IRF8: variants seen among roughly 807,000 people sequenced by gnomAD.
The protein encoded by IRF8 is interferon regulatory factor 8.
In IRF8, 14 loss-of-function variants were observed where a neutral mutation model predicts 48.7. The ratio of observed to expected loss-of-function variants is 0.29; its 90% CI spans 0.19 to 0.45. IRF8 has a LOEUF of 0.45. Ranked by LOEUF, IRF8 falls within the 20% of genes least tolerant of loss-of-function variation. The pLI is 1.00. For synonymous variants in IRF8, 278 were observed against 227.3 expected (o/e 1.22, Z -2.01); for missense variants, 493 against 580.7 (o/e 0.85, Z 1.55).
chr16:85,911,769 C>T (rs1006525011), intron 4 of IRF8, 111 bp downstream of exon 4: 58 of 870,186 alleles, frequency 6.7e-5, no homozygotes, highest in Non-Finnish European at 9.8e-5. Context: ...CCCTCGGGCT[C>T]GCTGAGGAAG....
intron 2 of IRF8, among the ~76,000 whole-genome samples, chr16:85,905,462 C>T (rs150176537): frequency 8.2e-4 from 125 of 152,302 alleles, no homozygotes; most frequent in Middle Eastern, 3.4e-3. Flanking sequence ...CCAATGTTTC[C>T]GTTGGTTACG....
At chr16:85,914,438 G>A (rs777671262) in intron 5 of IRF8, 35 bp from the exon 6 acceptor site, 26 of 1,613,920 alleles carry the variant, frequency 1.6e-5, no homozygotes. Context: ...CCACACCTGG[G>A]TGGCTCTGAG....
chr16:85,902,776 G>GTGCTGCTGGT (rs1555610237), intron 1 of IRF8: 1 of 354,176 alleles, frequency 2.8e-6, no homozygotes, highest in African/African-American at 6.6e-5. Context: ...GGCCTGCAGG[G>GTGCTGCTGGT]GGCTGCTGGT....
intron 6 of IRF8, among the ~76,000 whole-genome samples, chr16:85,918,048 C>A (rs1180918567): frequency 3.9e-5 from 6 of 152,186 alleles, no homozygotes; most frequent in African/African-American, 1.4e-4. Context: ...CTTGGCAGTG[C>A]CTATGAGACG....
At chr16:85,913,800 C>A (rs925796415) in intron 5 of IRF8, among the ~76,000 whole-genome samples, 1 of 152,212 alleles carries the variant, frequency 6.6e-6, no homozygotes, top group Non-Finnish European at 1.5e-5. Context: ...CCAGGACTTG[C>A]GCCATGGGGT....
chr16:85,917,415 T>C (rs912814305), intron 6 of IRF8, among the ~76,000 whole-genome samples: 1 of 152,236 alleles, frequency 6.6e-6, no homozygotes, highest in Admixed American at 6.5e-5. Context: ...AGTGTCACAA[T>C]TGGTTTTCAC....
At chr16:85,903,991 A>G (rs1038221475) in intron 2 of IRF8, among the ~76,000 whole-genome samples, 2 of 152,226 alleles carry the variant, frequency 1.3e-5, no homozygotes, top group East Asian at 1.9e-4. Context: ...ACCTAGATTC[A>G]GACAGAGGAA....
intron 7 of IRF8, 104 bp downstream of exon 7, chr16:85,918,907 G>A (rs1054165562): frequency 4.9e-5 from 70 of 1,441,726 alleles, no homozygotes; most frequent in Non-Finnish European, 6.5e-5. Flanking sequence ...ATGGAGGGAT[G>A]TGGAGGAGGA....
chr16:85,914,255 C>G (rs548708501), intron 5 of IRF8: 3 of 601,948 alleles, frequency 5.0e-6, no homozygotes, highest in East Asian at 5.9e-5. Flanking sequence ...TAGAGGAAGT[C>G]CCCCCGACTT....
At chr16:85,916,405 T>A (rs143852769) in intron 6 of IRF8, among the ~76,000 whole-genome samples, 3 of 152,242 alleles carry the variant, frequency 2.0e-5, no homozygotes, top group African/African-American at 7.2e-5. Context: ...TGTGGGTGAG[T>A]GGCTCTATAA....
In IRF8 at chr16:85,909,145, C is replaced by T; in HGVS notation, c.330C>T (p.Tyr110=). The change falls in exon 3 of 9, where the codon TAC becomes TAT. Residue 110 remains tyrosine (Y), a synonymous_variant. Transcript: ENST00000268638. The part of the protein sequence containing the change: ...QLDISEPYKV[Y]RIVPEEEQKC... ...ACATTTCCGAGCCATACAAAGTTTA[C>T]CGAATTGTTCCTGAGGAAGAGCAAA... 1 of 1,614,164 alleles carries T rather than the reference C, an allele frequency of 6.2e-7. No individual in the cohort carries two copies. Among genetic ancestry groups the T allele is most frequent in the Non-Finnish European group, 8.5e-7 (1 of 1,180,040 alleles).
At position 85,921,960 on chromosome 16, in the gene IRF8, G is replaced by T. The variant is rs1009181109; in HGVS notation, c.*678G>T. 1 of 152,420 alleles carries T rather than the reference G, an allele frequency of 6.6e-6. No homozygotes were observed. The highest frequency in any genetic ancestry group is 2.4e-5 in the African/African-American group (1 of 41,446). The allele number at this position is 152,420 out of a possible 1,614,324, so 9.4% of individuals were successfully genotyped here. A position where few individuals can be genotyped will look rare whatever the true frequency, so the allele number is the denominator to read the frequency against. ...TCCTCTGGGGCTTTGTTGCCAGGAA[G>T]ATTAGAACTAAATTTATTTTTTTCA... On this transcript the variant is annotated 3_prime_UTR_variant, in exon 9 of 9. Coordinates refer to ENST00000268638, the MANE Select transcript of IRF8 (RefSeq NM_002163.4).
At chr16:85,908,313 T>G (rs1189958529) in intron 2 of IRF8, among the ~76,000 whole-genome samples, 1 of 152,176 alleles carries the variant, frequency 6.6e-6, no homozygotes, top group African/African-American at 2.4e-5. Context: ...CATTCTACAT[T>G]ATGACTTTAA....
chr16:85,913,340 A>G (rs1300403841), intron 5 of IRF8, 104 bp downstream of exon 5: 14 of 827,490 alleles, frequency 1.7e-5, no homozygotes, highest in Middle Eastern at 3.0e-4. Context: ...ATCATGATCC[A>G]TGTCTCATTA....
Position 85,909,013 on chromosome 16 carries a change from G to A in IRF8, c.198G>A (p.Lys66=). ...AGGCCTGGGCAGTTTTTAAAGGGAA[G>A]TTTAAAGAAGGGGACAAAGCTGAAC... ...IFKAWAVFKG[K]FKEGDKAEPA... is the part of the protein sequence containing the mutation. Residue 66 remains lysine (K), a synonymous_variant, in exon 3 of 9, where the codon AAG becomes AAA. Coordinates refer to ENST00000268638, the MANE Select transcript of IRF8 (RefSeq NM_002163.4). 6.2e-7 allele frequency: 1 copy of A among 1,614,120 alleles called. No homozygotes were observed. Among genetic ancestry groups the A allele is most frequent in the Non-Finnish European group, 8.5e-7 (1 of 1,180,012 alleles).
chr16:85,908,550 C>T lies in IRF8; in HGVS notation c.175-440C>T, dbSNP rs957308677. Among the ~76,000 whole-genome samples the T allele has an allele frequency of 5.9e-5, 9 of 152,182 alleles. No homozygotes were observed. In the East Asian group the frequency reaches 1.5e-3, roughly 26 times the overall value. On this transcript the variant is annotated intron_variant, in intron 2 of 8. Coordinates refer to ENST00000268638, the MANE Select transcript of IRF8 (RefSeq NM_002163.4). The stretch of plus-strand genomic sequence containing the variant: ...CATTTTGACTTTTTGCAAATGTTCC[C>T]TTTTCATGCTAAATTTTAGGGGTTG...
At chr16:85,906,741 G>A (rs1221297587) in intron 2 of IRF8, among the ~76,000 whole-genome samples, 1 of 152,218 alleles carries the variant, frequency 6.6e-6, no homozygotes, top group Non-Finnish European at 1.5e-5. Context: ...CTCAGGTGGG[G>A]GAGGTATCAT....
intron 2 of IRF8, among the ~76,000 whole-genome samples, chr16:85,906,707 G>A (rs1905015166): frequency 6.6e-6 from 1 of 152,210 alleles, no homozygotes; most frequent in Admixed American, 6.5e-5. Context: ...AGGCCCGTTT[G>A]GGATGTGGGT....
chr16:85,900,611 C>T (rs1904798215), intron 1 of IRF8, among the ~76,000 whole-genome samples: 1 of 152,190 alleles, frequency 6.6e-6, no homozygotes, highest in Admixed American at 6.5e-5. Context: ...CTGCCGCTGG[C>T]GTTGGGGCGC....
Sources: allele counts gnomAD v4.1 joint callset (sites outside exome capture counted in the v4.1 genomes callset), GRCh38; gene constraint gnomAD v4.1.1; transcripts MANE v1.5; gene names NCBI Gene and HGNC (gene_info 2026-07-23, HGNC 2026-07-21).